Variants in PI4KA observed in about 807,000 individuals in gnomAD.
The protein encoded by PI4KA is phosphatidylinositol 4-kinase alpha.
Under a neutral mutation model 271.4 loss-of-function variants are expected in PI4KA, and 122 were observed. That is an observed-to-expected ratio of 0.45 (90% CI 0.39 to 0.52). PI4KA has a LOEUF of 0.52. Ranked by LOEUF, PI4KA falls within the 20% of genes least tolerant of loss-of-function variation. PI4KA has a pLI of 0.00. For missense variants in PI4KA, 1,969 were observed against 2,769.1 expected (o/e 0.71, Z 6.48); for synonymous variants, 1,041 against 1,078.8 (o/e 0.96, Z 0.69).
In PI4KA at chr22:20,765,708, A is replaced by C. The variant is rs1165181865; in HGVS notation, c.2329-15T>G. 1 of 1,556,496 alleles carries C rather than the reference A, an allele frequency of 6.4e-7. No individual in the cohort carries two copies. The highest frequency in any genetic ancestry group is 1.1e-5 in the South Asian group (1 of 89,940). The stretch of plus-strand genomic sequence containing the variant: ...CGTCGGGTGAGCTGATGTGCCAAGA[A>C]GAGAGGGAGAAAGGAGGTTATTTGC... On this transcript the variant is annotated splice_polypyrimidine_tract_variant and intron_variant, in intron 19 of 54. Transcript: ENST00000255882.
intron 23 of PI4KA, among the ~76,000 whole-genome samples, chr22:20,759,277 C>G (rs1169647610): frequency 6.6e-6 from 1 of 152,178 alleles, no homozygotes; most frequent in Non-Finnish European, 1.5e-5. Flanking sequence ...CTCCTGGCCT[C>G]AAGTAATCCA....
At chr22:20,831,642 G>A (rs1924192207) in intron 3 of PI4KA, among the ~76,000 whole-genome samples, 1 of 152,002 alleles carries the variant, frequency 6.6e-6, no homozygotes, top group African/African-American at 2.4e-5. Flanking sequence ...CTGAATGTAG[G>A]CCTCCATTCT....
At position 20,751,298 on chromosome 22, in the gene PI4KA, G is replaced by A. The variant is rs768714215; in HGVS notation, c.3148C>T (p.Arg1050Cys). The A allele has an allele frequency of 4.3e-6, 7 of 1,613,574 alleles. No homozygotes were observed. Among genetic ancestry groups the A allele is most frequent in the Non-Finnish European group, 4.2e-6 (5 of 1,179,582 alleles). ...RITVPDTYEA[R>C]ESIVKDFAAR... Reference sequence around the variant, plus strand: ...GGGGATCGTGTCGGGCCTACCTCACGGGCTTCGTACGTGTCAGGAACCGTG... The same window carrying A: ...GGGGATCGTGTCGGGCCTACCTCACAGGCTTCGTACGTGTCAGGAACCGTG... Residue 1050 changes from arginine (R) to cysteine (C), a missense_variant, in exon 27 of 55, where the codon CGT becomes TGT. Around this residue, in one of 13 missense-constraint regions of PI4KA, gnomAD observed 368 missense variants for 544.3 expected, o/e 0.68. Coordinates refer to ENST00000255882, the MANE Select transcript of PI4KA (RefSeq NM_058004.4).
At chr22:20,824,438 C>T (rs753346897) in intron 3 of PI4KA, 24 bp from the exon 4 acceptor site, 8 of 1,547,698 alleles carry the variant, frequency 5.2e-6, no homozygotes, top group Non-Finnish European at 3.6e-6. Context: ...AAACATAAAT[C>T]AGATAACCAG....
rs118114118 is a variant in PI4KA at position 20,845,752 on chromosome 22, C to T, written c.157-7021G>A. ...CGGTGGGAAGTGCCTGTAATCCCAG[C>T]TGCTTGGGAAGCTGAGGTGGGAGTA... On this transcript the variant is annotated intron_variant, in intron 1 of 54. Transcript: ENST00000255882. 5.9e-3 allele frequency among the ~76,000 whole-genome samples: 894 copies of T among 152,312 alleles called. 8 individuals are homozygous for T. Among genetic ancestry groups the T allele is most frequent in the East Asian group, 0.055 (284 of 5,186 alleles).
Position 20,858,624 on chromosome 22 carries a change from C to G in PI4KA, c.102G>C (p.Thr34=). 1 of 1,487,256 alleles carries G rather than the reference C, an allele frequency of 6.7e-7. No individual in the cohort carries two copies. Among genetic ancestry groups the G allele is most frequent in the South Asian group, 1.3e-5 (1 of 78,848 alleles). The allele number at this position is 1,487,256 out of a possible 1,614,324, so 92.1% of individuals were successfully genotyped here. Residue 34 remains threonine (T), a synonymous_variant, in exon 1 of 55, where the codon ACG becomes ACC. Coordinates refer to ENST00000255882, the MANE Select transcript of PI4KA (RefSeq NM_058004.4). Reference sequence around the variant, plus strand: ...CCAGGGAGCGGGCCAGTGACAGGACCGTGTTGAAATAGAAGCCCCGCGAGG... The same window carrying G: ...CCAGGGAGCGGGCCAGTGACAGGACGGTGTTGAAATAGAAGCCCCGCGAGG... ...SSASRGFYFN[T]VLSLARSLAV... is the part of the protein sequence containing the mutation.
intron 3 of PI4KA, among the ~76,000 whole-genome samples, chr22:20,828,502 G>A (rs545316929): frequency 6.6e-6 from 1 of 152,178 alleles, no homozygotes; most frequent in East Asian, 1.9e-4. Flanking sequence ...TGTCATAGAT[G>A]GCTATTATTA....
intron 19 of PI4KA, chr22:20,786,121 C>T: frequency 1.2e-6 from 2 of 1,614,136 alleles, no homozygotes; most frequent in Non-Finnish European, 1.7e-6. Flanking sequence ...TGGCAGGCAT[C>T]TCAGACCAAA....
intron 1 of PI4KA, 22 bp from the exon 2 acceptor site, chr22:20,838,753 A>G (rs1925194683): frequency 7.3e-7 from 1 of 1,367,464 alleles, no homozygotes. Flanking sequence ...GACCCCCCCA[A>G]AAACAGCTCT....
intron 22 of PI4KA, 25 bp downstream of exon 22, chr22:20,764,788 CATGT>C: frequency 1.9e-6 from 3 of 1,573,710 alleles, no homozygotes; most frequent in Non-Finnish European, 2.6e-6. Flanking sequence ...TGTGGATGTG[CATGT>C]GCATGGTGGT....
chr22:20,798,143 G>A (rs924697342), intron 17 of PI4KA, among the ~76,000 whole-genome samples: 1 of 152,178 alleles, frequency 6.6e-6, no homozygotes, highest in African/African-American at 2.4e-5. Flanking sequence ...TCAGAGATAT[G>A]TAGCTGTTAG....
At chr22:20,751,512 C>A (rs141223808) in intron 26 of PI4KA, 136 bp from the exon 27 acceptor site, 3 of 947,104 alleles carry the variant, frequency 3.2e-6, no homozygotes, top group African/African-American at 3.2e-5. Flanking sequence ...TGCAAAACAC[C>A]AGGTGGATTT....
intron 3 of PI4KA, among the ~76,000 whole-genome samples, chr22:20,833,289 A>G (rs1367703065): frequency 1.3e-5 from 2 of 152,200 alleles, no homozygotes; most frequent in Non-Finnish European, 2.9e-5. Context: ...CTTGGGCCAC[A>G]GCCACAACAC....
chr22:20,737,877 C>T (rs1250802670), intron 32 of PI4KA, among the ~76,000 whole-genome samples: 5 of 152,142 alleles, frequency 3.3e-5, no homozygotes, highest in East Asian at 3.9e-4. Context: ...GTGATCCACC[C>T]GCCTCGGCCT....
In PI4KA at chr22:20,744,644, T is replaced by C; in HGVS notation, c.3440A>G (p.Asn1147Ser). 6.2e-7 allele frequency: 1 copy of C among 1,613,956 alleles called. No homozygotes were observed. The highest frequency in any genetic ancestry group is 8.5e-7 in the Non-Finnish European group (1 of 1,179,850). The change falls in exon 30 of 55, where the codon AAC becomes AGC. Residue 1147 changes from asparagine to serine, a missense_variant. Around this residue, in one of 13 missense-constraint regions of PI4KA, gnomAD observed 203 missense variants for 256.8 expected, o/e 0.79. Transcript: ENST00000255882. The stretch of plus-strand genomic sequence containing the variant: ...GAGAAGCACCTCGCCCGCGTAGCGG[T>C]TGCGCAGATTCAGGGATGCCATGAA... ...SNFMASLNLR[N>S]RYAGEVYGMI... is the part of the protein sequence containing the mutation.
chr22:20,763,459 A>G lies in PI4KA; in HGVS notation c.2708+1358T>C, dbSNP rs1192405474. On this transcript the variant is annotated intron_variant, in intron 22 of 54. Coordinates refer to ENST00000255882, the MANE Select transcript of PI4KA (RefSeq NM_058004.4). ...TTCTTTTTTTCTTTTTTTTTTTTTG[A>G]GACGGAGTCTCGCTCTGTCGCCCAG... is the stretch of plus-strand genomic sequence containing the variant. 4.9e-5 allele frequency among the ~76,000 whole-genome samples: 7 copies of G among 141,736 alleles called. No individual in the cohort carries two copies. The Admixed American group carries it at 5.0e-4, about 10-fold the overall frequency. 93.0% of individuals were successfully genotyped at this position (141,736 alleles called of 152,430 possible).
chr22:20,776,851 A>C (rs1933329748), intron 19 of PI4KA, among the ~76,000 whole-genome samples: 1 of 152,160 alleles, frequency 6.6e-6, no homozygotes, highest in Non-Finnish European at 1.5e-5. Context: ...CCACACTGAC[A>C]GCATTTCAAG....
chr22:20,821,703 TGCCTCA>T (rs1922712874), intron 4 of PI4KA, among the ~76,000 whole-genome samples: 1 of 152,114 alleles, frequency 6.6e-6, no homozygotes, highest in Non-Finnish European at 1.5e-5. Flanking sequence ...GCGATTCTCC[TGCCTCA>T]GCCTCCTTAG....
chr22:20,798,473 T>C lies in PI4KA; in HGVS notation c.2108+111A>G. 3.8e-6 allele frequency: 3 copies of C among 784,922 alleles called. No individual in the cohort carries two copies. The South Asian group carries it at 4.4e-5, about 11-fold the overall frequency. 48.6% of individuals were successfully genotyped at this position (784,922 alleles called of 1,614,324 possible). On this transcript the variant is annotated intron_variant, in intron 17 of 54. Transcript: ENST00000255882. ...CTTATGTGTGCACTGATCTGTAGCA[T>C]ATAGTTTTCTTGCAAGAAGAGTTTA...
Sources: allele counts gnomAD v4.1 joint callset (sites outside exome capture counted in the v4.1 genomes callset), GRCh38; gene constraint gnomAD v4.1.1; regional missense constraint gnomAD v4.1.1; transcripts MANE v1.5; gene names NCBI Gene and HGNC (gene_info 2026-07-23, HGNC 2026-07-21).